The following CAPN3 variants were observed in gnomAD, a reference collection of about 807,000 sequenced individuals.
CAPN3 encodes the protein calpain 3.
A neutral mutation model predicts 114.0 loss-of-function variants in CAPN3; 88 were observed. The ratio of observed to expected loss-of-function variants is 0.77; its 90% CI spans 0.65 to 0.92. CAPN3 has a LOEUF of 0.92. Ranked by LOEUF, CAPN3 falls within the 40% of genes least tolerant of loss-of-function variation. The pLI, the probability that CAPN3 is intolerant of heterozygous loss-of-function variation, is 0.00. For synonymous variants in CAPN3, 386 were observed against 382.9 expected (o/e 1.01, Z -0.09); for missense variants, 1,028 against 1,069.0 (o/e 0.96, Z 0.53).
chr15:42,370,449 T>C (rs2052914494), intron 1 of CAPN3, among the ~76,000 whole-genome samples: 1 of 152,176 alleles, frequency 6.6e-6, no homozygotes, highest in African/African-American at 2.4e-5. Context: ...CTGCTCCTAG[T>C]GCCTACGACC....
chr15:42,396,717 G>T, intron 8 of CAPN3, 83 bp from the exon 9 acceptor site: 1 of 1,073,732 alleles, frequency 9.3e-7, no homozygotes, highest in Non-Finnish European at 1.4e-6. Flanking sequence ...GCAACTCTTT[G>T]TATTTCTCTG....
intron 1 of CAPN3, 32 bp downstream of exon 1, chr15:42,360,146 TC>T: frequency 1.2e-6 from 2 of 1,613,496 alleles, no homozygotes; most frequent in East Asian, 2.2e-5. Context: ...GGCTGGGTTT[TC>T]CCCCCACGGA....
intron 1 of CAPN3, among the ~76,000 whole-genome samples, chr15:42,360,882 C>T (rs2052625605): frequency 2.0e-5 from 3 of 152,210 alleles, no homozygotes; most frequent in Non-Finnish European, 4.4e-5. Context: ...CAGTGTGACT[C>T]TTGTTCTTAA....
chr15:42,363,375 T>C (rs2052696268), intron 1 of CAPN3, among the ~76,000 whole-genome samples: 2 of 152,222 alleles, frequency 1.3e-5, no homozygotes, highest in African/African-American at 2.4e-5. Flanking sequence ...AGAACAGGGC[T>C]TCTGGGATGC....
intron 2 of CAPN3, chr15:42,385,605 G>A (rs1353114722): frequency 2.0e-6 from 1 of 510,362 alleles, no homozygotes; most frequent in African/African-American, 1.9e-5. Context: ...TACTCTGTCA[G>A]AAAAGAGGTT....
chr15:42,404,521 C>T (rs956096876), intron 14 of CAPN3, among the ~76,000 whole-genome samples: 1 of 152,240 alleles, frequency 6.6e-6, no homozygotes, highest in African/African-American at 2.4e-5. Context: ...AGGGTTGGAA[C>T]TCACATTCAG....
chr15:42,366,275 C>T (rs1362923230), intron 1 of CAPN3, among the ~76,000 whole-genome samples: 2 of 152,200 alleles, frequency 1.3e-5, no homozygotes, highest in Admixed American at 6.5e-5. Context: ...TTCCTTTTCC[C>T]AGGCTCTTTC....
rs2053481412 is a variant in CAPN3, at chr15:42,389,004, G to C, written c.709G>C (p.Glu237Gln). 1 of 1,614,038 alleles carries C rather than the reference G, an allele frequency of 6.2e-7. No individual in the cohort carries two copies. Among genetic ancestry groups the C allele is most frequent in the African/African-American group, 1.3e-5 (1 of 74,914 alleles). ...AMEDFTGGVA[E>Q]FFEIRDAPSD... is the part of the protein sequence containing the mutation. ...GGAGGACTTCACAGGAGGGGTGGCAGAGTTTTTTGAGATCAGGGATGCTCC... is the reference window on the plus strand; with the variant it reads ...GGAGGACTTCACAGGAGGGGTGGCACAGTTTTTTGAGATCAGGGATGCTCC... The change falls in exon 5 of 24, where the codon GAG becomes CAG. Residue 237 changes from glutamate (E) to glutamine (Q), a missense_variant. Physicochemically the swap from Glu to Gln is conservative, Grantham distance 29. Coordinates refer to ENST00000397163, the MANE Select transcript of CAPN3 (RefSeq NM_000070.3).
chr15:42,380,289 C>A (rs572504675), intron 1 of CAPN3, among the ~76,000 whole-genome samples: 2 of 151,376 alleles, frequency 1.3e-5, no homozygotes, highest in South Asian at 2.1e-4. Flanking sequence ...CTTGTCCCTG[C>A]CCCTTTTTCT....
chr15:42,384,742 C>G (rs561098377), intron 2 of CAPN3, among the ~76,000 whole-genome samples, 190 bp downstream of exon 2: 1 of 152,318 alleles, frequency 6.6e-6, no homozygotes, highest in African/African-American at 2.4e-5. Flanking sequence ...CTACATGCCT[C>G]TTTAGCACTC....
intron 6 of CAPN3, among the ~76,000 whole-genome samples, chr15:42,391,348 G>C (rs2053550799): frequency 6.6e-6 from 1 of 152,090 alleles, no homozygotes; most frequent in South Asian, 2.1e-4. Context: ...AGAATTGCTG[G>C]GTTGAATGAT....
At chr15:42,409,456 T>G in intron 17 of CAPN3, 76 bp downstream of exon 17, 3 of 1,355,390 alleles carry the variant, frequency 2.2e-6, no homozygotes, top group Non-Finnish European at 3.2e-6. Flanking sequence ...TACCAATTAT[T>G]TCATTATTGT....
At chr15:42,411,717 T>A in intron 23 of CAPN3, 30 bp from the exon 24 acceptor site, 2 of 962,290 alleles carry the variant, frequency 2.1e-6, no homozygotes, top group Non-Finnish European at 3.3e-6. Context: ...TCTTTTCTGA[T>A]CTACATTCTG....
At chr15:42,405,965 A>T (rs1247152730) in intron 15 of CAPN3, 22 bp downstream of exon 15, 3 of 1,607,228 alleles carry the variant, frequency 1.9e-6, no homozygotes, top group Non-Finnish European at 8.5e-7. Context: ...GGTAGAGAGC[A>T]TGAAGTGTGT....
chr15:42,386,701 A>G (rs2053417405), intron 3 of CAPN3, among the ~76,000 whole-genome samples: 1 of 152,122 alleles, frequency 6.6e-6, no homozygotes, highest in Non-Finnish European at 1.5e-5. Context: ...GGCGGTACCA[A>G]GGCTATCACT....
intron 1 of CAPN3, 40 bp downstream of exon 1, chr15:42,360,154 C>A: frequency 1.3e-5 from 21 of 1,612,584 alleles, no homozygotes; most frequent in Non-Finnish European, 1.5e-5. Context: ...TTTCCCCCCA[C>A]GGAGGAGTCC....
intron 1 of CAPN3, among the ~76,000 whole-genome samples, chr15:42,363,154 T>C (rs887267095): frequency 6.6e-6 from 1 of 152,172 alleles, no homozygotes; most frequent in African/African-American, 2.4e-5. Flanking sequence ...TGTAATCTCT[T>C]CTCTTACTCA....
chr15:42,374,620 T>C (rs902766847), intron 1 of CAPN3: 1 of 152,118 alleles, frequency 6.6e-6, no homozygotes, highest in African/African-American at 2.4e-5. Flanking sequence ...GGATCCCTCC[T>C]CTGGGCAATT....
chr15:42,369,441 G>C (rs1478085028), intron 1 of CAPN3, among the ~76,000 whole-genome samples: 1 of 152,144 alleles, frequency 6.6e-6, no homozygotes, highest in East Asian at 1.9e-4. Flanking sequence ...GGTTGGGGCT[G>C]CAGTGAGCCA....
Sources: gnomAD v4.1 joint callset for allele counts (sites outside exome capture counted in the v4.1 genomes callset) on GRCh38, gnomAD v4.1.1 for gene constraint, MANE v1.5 for transcripts, NCBI Gene and HGNC (gene_info 2026-07-23, HGNC 2026-07-21) for gene names.